Variants in AP3B1 observed in about 807,000 individuals in gnomAD.
AP3B1 encodes the protein AP-3 complex subunit beta-1.
In AP3B1, 61 loss-of-function variants were observed where a neutral mutation model predicts 132.5. The observed-to-expected ratio is 0.46, with a 90% CI of 0.37 to 0.57. AP3B1 has a LOEUF of 0.57. Among genes scored for constraint, AP3B1 ranks in the 20% least tolerant of loss-of-function variants. The pLI, the probability that AP3B1 is intolerant of heterozygous loss-of-function variation, is 0.00. For missense variants in AP3B1, 1,120 were observed against 1,289.4 expected, an observed-to-expected ratio of 0.87 and a Z score of 2.01; for synonymous variants, 388 against 438.3, an observed-to-expected ratio of 0.89 and a Z score of 1.43.
At chr5:78,128,594 T>C (rs1752562976) in intron 16 of AP3B1, among the ~76,000 whole-genome samples, 3 of 152,144 alleles carry the variant, frequency 2.0e-5, no homozygotes, top group Non-Finnish European at 4.4e-5. Flanking sequence ...AACTATTTGA[T>C]TCCAACTGGA....
chr5:78,036,743 A>C (rs1160213585), intron 23 of AP3B1, among the ~76,000 whole-genome samples: 1 of 152,184 alleles, frequency 6.6e-6, no homozygotes, highest in East Asian at 1.9e-4. Flanking sequence ...GTGGCAAATA[A>C]GAAAACTGCG....
At chr5:78,174,125 G>T (rs1016023316) in intron 11 of AP3B1, among the ~76,000 whole-genome samples, 1 of 152,086 alleles carries the variant, frequency 6.6e-6, no homozygotes, top group African/African-American at 2.4e-5. Flanking sequence ...AGATGGGTTT[G>T]AACATGCTCC....
intron 1 of AP3B1, among the ~76,000 whole-genome samples, chr5:78,281,930 A>C (rs202120821): frequency 1.6e-3 from 247 of 152,284 alleles, no homozygotes; most frequent in African/African-American, 5.8e-3. Flanking sequence ...TAGGATGATA[A>C]AGTTATTCAG....
chr5:78,038,438 T>C (rs968513398), intron 23 of AP3B1, among the ~76,000 whole-genome samples: 3 of 152,130 alleles, frequency 2.0e-5, no homozygotes, highest in Non-Finnish European at 4.4e-5. Context: ...CTAACCCTAA[T>C]GATAGCTGAT....
intron 17 of AP3B1, among the ~76,000 whole-genome samples, chr5:78,126,503 TCAAAAA>T (rs1220763383): frequency 5.0e-5 from 1 of 19,970 alleles, no homozygotes; most frequent in African/African-American, 1.8e-4. Flanking sequence ...AGACTCTGTC[TCAAAAA>T]AAAAAAAAAA....
chr5:78,293,280 C>A (rs1053128306), intron 1 of AP3B1, among the ~76,000 whole-genome samples: 10 of 152,162 alleles, frequency 6.6e-5, no homozygotes, highest in Non-Finnish European at 1.3e-4. Flanking sequence ...CAGGTTAATT[C>A]AGTCTAAACA....
chr5:78,103,594 A>AT (rs1158966956), intron 20 of AP3B1, among the ~76,000 whole-genome samples: 1 of 152,120 alleles, frequency 6.6e-6, no homozygotes, highest in Non-Finnish European at 1.5e-5. Flanking sequence ...GTTTTTGTAT[A>AT]TTTTTTTAAA....
chr5:78,209,549 C>T (rs1745648607), intron 7 of AP3B1, among the ~76,000 whole-genome samples: 1 of 152,156 alleles, frequency 6.6e-6, no homozygotes, highest in African/African-American at 2.4e-5. Flanking sequence ...CAATGTGCAT[C>T]TTACAGGTAT....
downstream of AP3B1, chr5:78,000,907 A>T (rs2112025182): frequency 6.6e-6 from 1 of 152,346 alleles, no homozygotes; most frequent in East Asian, 1.9e-4. Context: ...GTTTTACGTG[A>T]AAAACATTTT....
At chr5:78,072,546 A>T (rs887855788) in intron 22 of AP3B1, among the ~76,000 whole-genome samples, 10 of 151,962 alleles carry the variant, frequency 6.6e-5, no homozygotes, top group African/African-American at 2.4e-4. Context: ...ATTTGTACAG[A>T]GGTGTAAAGC....
chr5:78,222,935 T>A (rs758664648), intron 6 of AP3B1, among the ~76,000 whole-genome samples: 1 of 152,014 alleles, frequency 6.6e-6, no homozygotes, highest in Non-Finnish European at 1.5e-5. Flanking sequence ...TCTGAAGCAA[T>A]AGTTTCTCTG....
At chr5:78,127,995 C>T (rs1324021611) in intron 17 of AP3B1, 35 bp downstream of exon 17, 8 of 1,608,854 alleles carry the variant, frequency 5.0e-6, no homozygotes, top group South Asian at 1.1e-5. Context: ...TCTTCCACTG[C>T]TTTGGCAAAA....
chr5:78,101,959 GTT>G (rs1751146035), intron 20 of AP3B1, among the ~76,000 whole-genome samples: 2 of 151,850 alleles, frequency 1.3e-5, no homozygotes, highest in African/African-American at 4.8e-5. Context: ...CTACTAAAAT[GTT>G]TTTGTTTATT....
intron 1 of AP3B1, among the ~76,000 whole-genome samples, chr5:78,283,190 C>G (rs1749131312): frequency 6.6e-6 from 1 of 152,040 alleles, no homozygotes; most frequent in Non-Finnish European, 1.5e-5. Flanking sequence ...CATAAGAAAA[C>G]CAAGGGCAGA....
chr5:78,161,846 A>C lies in AP3B1; in HGVS notation c.1363+973T>G, dbSNP rs1490226077. 2.0e-5 allele frequency among the ~76,000 whole-genome samples: 3 copies of C among 151,952 alleles called. No individual in the cohort carries two copies. In the South Asian group the frequency reaches 6.2e-4, roughly 32 times the overall value. ...TTTTTTCATCAGAAATACTCTCAAC[A>C]ATGTTACAGTTTTCTAAAGATATCT... On this transcript the variant is annotated intron_variant, in intron 13 of 26. Transcript: ENST00000255194.
chr5:78,092,923 TACAGGCATGAGCC>T (rs1227586236), intron 21 of AP3B1, among the ~76,000 whole-genome samples: 1 of 152,224 alleles, frequency 6.6e-6, no homozygotes, highest in Non-Finnish European at 1.5e-5. Context: ...TAGCTGGGAT[TACAGGCATGAGCC>T]ACCATGCCAA....
chr5:78,160,623 A>C (rs1051422326), intron 13 of AP3B1, among the ~76,000 whole-genome samples: 10 of 152,122 alleles, frequency 6.6e-5, no homozygotes, highest in African/African-American at 1.9e-4. Context: ...TGAGGTATTC[A>C]TTTCAATATA....
At chr5:78,120,763 T>C (rs777507499) in intron 17 of AP3B1, among the ~76,000 whole-genome samples, 63 of 152,292 alleles carry the variant, frequency 4.1e-4, no homozygotes, top group East Asian at 2.5e-3. Context: ...AACACCCTAC[T>C]GTCAACATTA....
At chr5:78,184,699 A>AAAAAAAAAAAAAAAAAC (rs1491328377) in intron 7 of AP3B1, among the ~76,000 whole-genome samples, 14 of 151,926 alleles carry the variant, frequency 9.2e-5, no homozygotes, top group African/African-American at 3.1e-4. Flanking sequence ...AAAAAAAAAA[A>AAAAAAAAAAAAAAAAAC]CAGAGTCTCA....
Sources: allele counts gnomAD v4.1 joint callset (sites outside exome capture counted in the v4.1 genomes callset), GRCh38; gene constraint gnomAD v4.1.1; transcripts MANE v1.5; gene names NCBI Gene and HGNC (gene_info 2026-07-23, HGNC 2026-07-21).